NEO1: variants seen among roughly 807,000 people sequenced by gnomAD.
NEO1 encodes neogenin 1.
Under a neutral mutation model 159.7 loss-of-function variants are expected in NEO1, and 63 were observed. That is an observed-to-expected ratio of 0.39 (90% confidence interval 0.32 to 0.49). The LOEUF is 0.49. Ranked by LOEUF, NEO1 falls within the 20% of genes least tolerant of loss-of-function variation. The probability of loss-of-function intolerance (pLI) is 0.85; values close to 1 mark genes in which losing one functional copy is unlikely to be tolerated. For synonymous variants in NEO1, 633 were observed against 662.0 expected (o/e 0.96, Z 0.67); for missense variants, 1,615 against 1,831.0 (o/e 0.88, Z 2.15).
At chr15:73,215,672 G>T (rs374980144) in intron 7 of NEO1, among the ~76,000 whole-genome samples, 1 of 152,144 alleles carries the variant, frequency 6.6e-6, no homozygotes, top group East Asian at 1.9e-4. Context: ...TAAATTGTTG[G>T]ATTTGGTTAG....
chr15:73,269,033 T>C (rs992621527), intron 16 of NEO1, among the ~76,000 whole-genome samples: 1 of 152,178 alleles, frequency 6.6e-6, no homozygotes, highest in Admixed American at 6.6e-5. Flanking sequence ...CAGCTTACCT[T>C]TCCTGAAGGA....
At chr15:73,140,295 C>G (rs1186924035) in intron 5 of NEO1, among the ~76,000 whole-genome samples, 1 of 152,128 alleles carries the variant, frequency 6.6e-6, no homozygotes, top group Non-Finnish European at 1.5e-5. Context: ...GTGACTCATG[C>G]CTGTAATCCC....
chr15:73,075,626 G>A (rs1408346243), intron 1 of NEO1, among the ~76,000 whole-genome samples: 1 of 146,642 alleles, frequency 6.8e-6, no homozygotes, highest in Non-Finnish European at 1.5e-5. Flanking sequence ...ACACTGGAAG[G>A]GTGTCAGTGT....
chr15:73,069,125 A>ATTTTTTTTT (rs962027800), intron 1 of NEO1, among the ~76,000 whole-genome samples: 6 of 105,434 alleles, frequency 5.7e-5, no homozygotes, highest in African/African-American at 1.4e-4. Flanking sequence ...TAATTTTTGT[A>ATTTTTTTTT]TTTTTTTTTT....
At chr15:73,149,322 A>C (rs892028439) in intron 5 of NEO1, among the ~76,000 whole-genome samples, 2 of 152,102 alleles carry the variant, frequency 1.3e-5, no homozygotes, top group African/African-American at 4.8e-5. Flanking sequence ...TAAAAAAAAA[A>C]AAAACAGGGT....
chr15:73,142,481 C>T (rs757920276), intron 5 of NEO1, among the ~76,000 whole-genome samples: 1 of 151,936 alleles, frequency 6.6e-6, no homozygotes, highest in Non-Finnish European at 1.5e-5. Context: ...TCTGAAAGTC[C>T]ATTAGAAAAG....
In NEO1 at chr15:73,116,702, A is replaced by T. The variant is rs899282091; in HGVS notation, c.293A>T (p.Asp98Val). ...KDGTFLNLVS[D>V]DRRQLLPDGS... ...GGAACTTTTTTAAACTTAGTATCAGATGATCGACGCCAGCTTCTCCCGGAT... is the reference window on the plus strand; with the variant it reads ...GGAACTTTTTTAAACTTAGTATCAGTTGATCGACGCCAGCTTCTCCCGGAT... Residue 98 changes from aspartate to valine, a missense_variant, in exon 2 of 29, where the codon GAT (aspartate) becomes GTT (valine). Transcript: ENST00000261908. 1.2e-6 allele frequency: 2 copies of T among 1,614,036 alleles called. No homozygotes were observed. Among genetic ancestry groups the T allele is most frequent in the Non-Finnish European group, 1.7e-6 (2 of 1,179,932 alleles).
At chr15:73,200,639 G>A (rs922509672) in intron 7 of NEO1, among the ~76,000 whole-genome samples, 14 of 151,492 alleles carry the variant, frequency 9.2e-5, no homozygotes, top group Admixed American at 5.9e-4. Flanking sequence ...TCATCTAAGC[G>A]GGCATAGAGT....
At chr15:73,086,906 T>G (rs1278899578) in intron 1 of NEO1, among the ~76,000 whole-genome samples, 1 of 152,136 alleles carries the variant, frequency 6.6e-6, no homozygotes, top group Non-Finnish European at 1.5e-5. Flanking sequence ...TTCACCTGCC[T>G]CGACCTCCCA....
At chr15:73,053,093 C>G (rs1293291420) in intron 1 of NEO1, among the ~76,000 whole-genome samples, 1 of 152,084 alleles carries the variant, frequency 6.6e-6, no homozygotes, top group Non-Finnish European at 1.5e-5. Flanking sequence ...TCCCCTCCCC[C>G]AGGCTCATCC....
At chr15:73,288,953 C>G in intron 24 of NEO1, 193 bp from the exon 25 acceptor site, 1 of 586,286 alleles carries the variant, frequency 1.7e-6, no homozygotes, top group South Asian at 2.0e-5. Flanking sequence ...TTGTGACATC[C>G]ACATTGATTC....
intron 1 of NEO1, among the ~76,000 whole-genome samples, chr15:73,073,148 T>C (rs2068616052): frequency 6.6e-6 from 1 of 152,118 alleles, no homozygotes; most frequent in African/African-American, 2.4e-5. Flanking sequence ...GATGGGTTAT[T>C]ATAAGACAGA....
intron 3 of NEO1, among the ~76,000 whole-genome samples, chr15:73,125,152 G>A (rs2151675365): frequency 6.6e-6 from 1 of 152,322 alleles, no homozygotes; most frequent in South Asian, 2.1e-4. Context: ...GGAATGTTTT[G>A]CTTACTTAAG....
chr15:73,055,094 T>C (rs1335165405), intron 1 of NEO1, among the ~76,000 whole-genome samples: 3 of 152,090 alleles, frequency 2.0e-5, no homozygotes, highest in African/African-American at 7.2e-5. Context: ...GGACTGGTGA[T>C]AGAAAATGGT....
intron 17 of NEO1, 35 bp downstream of exon 17, chr15:73,270,268 A>G (rs752310362): frequency 3.7e-6 from 6 of 1,613,802 alleles, no homozygotes; most frequent in South Asian, 3.3e-5. Flanking sequence ...AAAAAAGCTA[A>G]TCATTGATAC....
At chr15:73,077,831 A>G (rs2068850163) in intron 1 of NEO1, among the ~76,000 whole-genome samples, 1 of 152,120 alleles carries the variant, frequency 6.6e-6, no homozygotes, top group Non-Finnish European at 1.5e-5. Context: ...TAAAAATGAG[A>G]AGGTTACTTC....
chr15:73,222,954 C>T (rs1470352077), intron 7 of NEO1, among the ~76,000 whole-genome samples: 2 of 152,118 alleles, frequency 1.3e-5, no homozygotes, highest in East Asian at 3.9e-4. Context: ...TTGCTGTATC[C>T]CAGAGGTCTT....
chr15:73,096,232 G>A (rs896640437), intron 1 of NEO1, among the ~76,000 whole-genome samples: 1 of 151,858 alleles, frequency 6.6e-6, no homozygotes, highest in South Asian at 2.1e-4. Context: ...CGGTTGGTTC[G>A]GCTTACACAA....
intron 5 of NEO1, among the ~76,000 whole-genome samples, chr15:73,142,988 C>CA (rs2032548901): frequency 1.3e-5 from 2 of 152,038 alleles, no homozygotes; most frequent in Non-Finnish European, 2.9e-5. Context: ...ATGAAATAAA[C>CA]TGAGTAACTT....
Sources: gnomAD v4.1 joint callset for allele counts (sites outside exome capture counted in the v4.1 genomes callset) on GRCh38, gnomAD v4.1.1 for gene constraint, MANE v1.5 for transcripts, NCBI Gene and HGNC (gene_info 2026-07-23, HGNC 2026-07-21) for gene names.